Variants in ARID1A observed in about 807,000 individuals in gnomAD.
The protein encoded by ARID1A is AT-rich interactive domain-containing protein 1A.
Under a neutral mutation model 212.6 loss-of-function variants are expected in ARID1A, and 20 were observed. The ratio of observed to expected loss-of-function variants is 0.09; its 90% CI spans 0.07 to 0.14. ARID1A has a LOEUF of 0.14. Ranked by LOEUF, ARID1A falls within the 10% of genes least tolerant of loss-of-function variation. ARID1A has a pLI of 1.00. For missense variants in ARID1A, 2,587 were observed against 3,059.0 expected, an observed-to-expected ratio of 0.85 and a Z score of 3.64; for synonymous variants, 1,376 against 1,222.1, an observed-to-expected ratio of 1.13 and a Z score of -2.63.
intron 1 of ARID1A, among the ~76,000 whole-genome samples, chr1:26,699,078 CAA>C (rs2080307617): frequency 6.6e-6 from 1 of 152,226 alleles, no homozygotes; most frequent in East Asian, 1.9e-4. Flanking sequence ...CCTGGAATAA[CAA>C]AAAGTCTAGT....
At chr1:26,766,011 C>G (rs902260289) in intron 8 of ARID1A, 2 of 577,514 alleles carry the variant, frequency 3.5e-6, no homozygotes, top group Non-Finnish European at 5.9e-6. Flanking sequence ...CACTGCATTC[C>G]AGCCAGGGTG....
intron 1 of ARID1A, among the ~76,000 whole-genome samples, chr1:26,705,426 C>A (rs1330130266): frequency 1.3e-5 from 2 of 151,340 alleles, no homozygotes; most frequent in East Asian, 1.9e-4. Flanking sequence ...AGGTGTGAGC[C>A]ACCACGCCCA....
rs2124119566 is a variant in ARID1A, at chr1:26,774,680, A to C, written c.4453A>C (p.Ile1485Leu). 1 of 1,614,220 alleles carries C rather than the reference A, an allele frequency of 6.2e-7. No homozygotes were observed. The highest frequency in any genetic ancestry group is 8.5e-7 in the Non-Finnish European group (1 of 1,180,036). ...GCCACCACAAATGATGGGCGGCCCC[A>C]TACAGGCATCAGCTGAGGTTGCTCA... ...NMPPQMMGGPIQASAEVAQQG... is the reference protein window; with the variant it reads ...NMPPQMMGGPLQASAEVAQQG... The change falls in exon 18 of 20, where the codon ATA becomes CTA. Residue 1485 changes from isoleucine to leucine, a missense_variant. Ile to Leu is a conservative substitution (Grantham distance 5). Transcript: ENST00000324856. This position sits in a 1 kb window ranked among gnomAD's most constrained non-coding sequence, Gnocchi z 5.6.
chr1:26,764,064 G>A (rs971983666), intron 8 of ARID1A, among the ~76,000 whole-genome samples: 1 of 152,062 alleles, frequency 6.6e-6, no homozygotes, highest in African/African-American at 2.4e-5. Context: ...CTGCTTTCCA[G>A]GTTCAACCAA....
chr1:26,752,437 T>G (rs531801365), intron 4 of ARID1A, among the ~76,000 whole-genome samples: 1 of 152,242 alleles, frequency 6.6e-6, no homozygotes, highest in Non-Finnish European at 1.5e-5. Flanking sequence ...AAAGAACTTA[T>G]GACTGAAACT....
intron 1 of ARID1A, among the ~76,000 whole-genome samples, chr1:26,715,619 G>C (rs2080495516): frequency 6.6e-6 from 1 of 152,164 alleles, no homozygotes; most frequent in Non-Finnish European, 1.5e-5. Context: ...CCTAGACTTT[G>C]ATGATATTTT....
chr1:26,719,399 G>C (rs188158398), intron 1 of ARID1A, among the ~76,000 whole-genome samples: 1 of 152,272 alleles, frequency 6.6e-6, no homozygotes, highest in African/African-American at 2.4e-5. Flanking sequence ...TTACTGGCCA[G>C]GCACTGCCCT....
intron 1 of ARID1A, among the ~76,000 whole-genome samples, chr1:26,705,439 CT>C (rs34588758): frequency 0.092 from 13,215 of 143,734 alleles, 677 homozygotes; most frequent in Non-Finnish European, 0.12. Context: ...CACGCCCAGC[CT>C]TTTTTTTTTT....
intron 4 of ARID1A, among the ~76,000 whole-genome samples, chr1:26,760,414 G>T (rs1050552124): frequency 2.6e-5 from 4 of 152,206 alleles, no homozygotes; most frequent in Non-Finnish European, 5.9e-5. Context: ...AGGGCCGGGC[G>T]CGGTGGCTCA....
intron 4 of ARID1A, among the ~76,000 whole-genome samples, chr1:26,747,494 G>A (rs1453759182): frequency 6.6e-6 from 1 of 152,106 alleles, no homozygotes; most frequent in Non-Finnish European, 1.5e-5. Context: ...GGAGATGGGT[G>A]GAGGTAATTT....
intron 11 of ARID1A, among the ~76,000 whole-genome samples, chr1:26,768,734 T>C (rs919593126): frequency 6.6e-6 from 1 of 152,160 alleles, no homozygotes; most frequent in Non-Finnish European, 1.5e-5. Context: ...CCTTACAATT[T>C]TGTAGACTCA....
chr1:26,699,622 T>C (rs1041482037), intron 1 of ARID1A, among the ~76,000 whole-genome samples: 3 of 152,226 alleles, frequency 2.0e-5, no homozygotes, highest in African/African-American at 7.2e-5. Flanking sequence ...TTTTCTAGTG[T>C]CTGGAGGAAA....
intron 4 of ARID1A, among the ~76,000 whole-genome samples, chr1:26,734,522 C>T (rs532603935): frequency 6.6e-6 from 1 of 152,216 alleles, no homozygotes; most frequent in East Asian, 1.9e-4. Context: ...AAGGAACATT[C>T]CCACGTTTGG....
chr1:26,696,487 G>C lies in ARID1A; in HGVS notation c.84G>C (p.Glu28Asp). 8.0e-7 allele frequency: 1 copy of C among 1,246,922 alleles called. No individual in the cohort carries two copies. Among genetic ancestry groups the C allele is most frequent in the Non-Finnish European group, 1.0e-6 (1 of 998,352 alleles). 77.2% of individuals were successfully genotyped at this position (1,246,922 alleles called of 1,614,324 possible). Residue 28 changes from glutamate to aspartate, a missense_variant, in exon 1 of 20, where the codon GAG (glutamate) becomes GAC (aspartate). This residue lies in a region of ARID1A where 735 missense variants were observed against 590.6 expected (regional missense o/e 1.24). Coordinates refer to ENST00000324856, the MANE Select transcript of ARID1A (RefSeq NM_006015.6). ...PPPPSELKKA[E>D]QQQREEAGGE... ...CGCCCTCGGAGCTGAAGAAAGCCGA[G>C]CAGCAGCAGCGGGAGGAGGCGGGGG...
Position 26,781,457 on chromosome 1 carries a change from GAGAA to G in ARID1A, c.*703_*706del, listed in dbSNP as rs2081194563. 3 of 230,814 alleles carry G rather than the reference GAGAA, an allele frequency of 1.3e-5. No individual in the cohort carries two copies. Among genetic ancestry groups the G allele is most frequent in the Admixed American group, 5.7e-5 (1 of 17,636 alleles). The allele number at this position is 230,814 out of a possible 1,614,324, so 14.3% of individuals were successfully genotyped here. ...AAAATGTTTTTAGTTAAACGTTGAG[GAGAA>G]AAAAAAAAAAGGCTTTTCCCCCAAA... is the stretch of plus-strand genomic sequence containing the variant. On this transcript the variant is annotated 3_prime_UTR_variant, in exon 20 of 20. Coordinates refer to ENST00000324856, the MANE Select transcript of ARID1A (RefSeq NM_006015.6).
Position 26,696,516 on chromosome 1 carries a change from A to AGGCGGC in ARID1A, c.123_128dup (p.Ala44_Ala45dup), listed in dbSNP as rs587779737. The AGGCGGC allele has an allele frequency of 7.8e-5, 96 of 1,224,588 alleles. No individual in the cohort carries two copies. The highest frequency in any genetic ancestry group is 8.9e-5 in the Non-Finnish European group (88 of 985,594). The allele number at this position is 1,224,588 out of a possible 1,614,324, so 75.9% of individuals were successfully genotyped here. ...CAGCAGCGGGAGGAGGCGGGGGGCG[A>AGGCGGC]GGCGGCGGCGGCGGCAGCGGCCGAG... On this transcript the variant is annotated inframe_insertion, in exon 1 of 20. Coordinates refer to ENST00000324856, the MANE Select transcript of ARID1A (RefSeq NM_006015.6).
intron 1 of ARID1A, among the ~76,000 whole-genome samples, chr1:26,720,991 C>T (rs1474885850): frequency 1.3e-5 from 2 of 152,038 alleles, no homozygotes; most frequent in African/African-American, 4.8e-5. Flanking sequence ...GGTTGATTGT[C>T]TTGACCACTC....
chr1:26,762,617 AT>A lies in ARID1A; in HGVS notation c.2419+305del, dbSNP rs1270971005. Among the ~76,000 whole-genome samples the A allele has an allele frequency of 4.6e-5, 7 of 150,620 alleles. No individual in the cohort carries two copies. In the South Asian group the frequency reaches 1.2e-3, roughly 27 times the overall value. The stretch of plus-strand genomic sequence containing the variant: ...TTATACATGGTAGCTCTTGGTTATT[AT>A]TTTTTTATTAATTATTTTTAGTGAA... On this transcript the variant is annotated intron_variant, in intron 7 of 19. Transcript: ENST00000324856.
At chr1:26,773,318 T>C in intron 14 of ARID1A, 28 bp from the exon 15 acceptor site, 1 of 1,539,660 alleles carries the variant, frequency 6.5e-7, no homozygotes, top group Non-Finnish European at 8.7e-7. Context: ...CTTACCAGTT[T>C]GTTCACCGCT....
Sources: gnomAD v4.1 joint callset for allele counts (sites outside exome capture counted in the v4.1 genomes callset) on GRCh38, gnomAD v4.1.1 for gene constraint, gnomAD v4.1.1 regional missense constraint, Gnocchi (gnomAD v3.1) non-coding constraint, MANE v1.5 for transcripts, NCBI Gene and HGNC (gene_info 2026-07-23, HGNC 2026-07-21) for gene names.